The following ANKRD31 variants were observed in gnomAD, a reference collection of about 807,000 sequenced individuals.
ANKRD31 encodes ankyrin repeat domain 31, also known as ankyrin repeat domain-containing protein 31.
In ANKRD31, 147 loss-of-function variants were observed where a neutral mutation model predicts 186.0. That is an observed-to-expected ratio of 0.79 (90% CI 0.69 to 0.91). The LOEUF is 0.91. Ranked by LOEUF, ANKRD31 falls within the 40% of genes least tolerant of loss-of-function variation. The pLI is 0.00. For synonymous variants in ANKRD31, 673 were observed against 736.4 expected (o/e 0.91, Z 1.39); for missense variants, 1,986 against 2,148.8 (o/e 0.92, Z 1.50).
chr5:75,180,115 A>G, intron 10 of ANKRD31, among the ~76,000 whole-genome samples: 1 of 152,212 alleles, frequency 6.6e-6, no homozygotes, highest in East Asian at 1.9e-4. Context: ...CCAAATCATG[A>G]GTGAACTCCC....
At chr5:75,114,496 A>G (rs1748039976) in intron 19 of ANKRD31, among the ~76,000 whole-genome samples, 1 of 152,186 alleles carries the variant, frequency 6.6e-6, no homozygotes, top group Admixed American at 6.6e-5. Context: ...TTGATTTTGT[A>G]TCCTGAGACT....
chr5:75,172,497 T>C (rs1753413430), intron 10 of ANKRD31, among the ~76,000 whole-genome samples: 1 of 151,682 alleles, frequency 6.6e-6, no homozygotes, highest in Admixed American at 6.6e-5. Flanking sequence ...CTAGCAAGAC[T>C]GATAAAGAAG....
intron 21 of ANKRD31, among the ~76,000 whole-genome samples, chr5:75,107,272 C>A (rs1347160233): frequency 6.6e-6 from 1 of 151,966 alleles, no homozygotes; most frequent in South Asian, 2.1e-4. Context: ...TCATAAAATT[C>A]TCCACTGTAG....
chr5:75,131,828 A>G (rs1466712926), intron 17 of ANKRD31, among the ~76,000 whole-genome samples: 2 of 152,192 alleles, frequency 1.3e-5, no homozygotes, highest in Non-Finnish European at 2.9e-5. Context: ...AGGAAGGATC[A>G]GGCAGCAACA....
At chr5:75,120,924 C>T (rs1233517273) in intron 17 of ANKRD31, among the ~76,000 whole-genome samples, 1 of 152,146 alleles carries the variant, frequency 6.6e-6, no homozygotes, top group Non-Finnish European at 1.5e-5. Context: ...GTGGCTCACG[C>T]CTGTAATCCC....
intron 5 of ANKRD31, among the ~76,000 whole-genome samples, chr5:75,206,057 C>T (rs1258205874): frequency 1.3e-5 from 2 of 150,800 alleles, no homozygotes; most frequent in African/African-American, 4.9e-5. Context: ...TGCCCCAAGT[C>T]AATAGCAACA....
intron 14 of ANKRD31, 81 bp downstream of exon 14, chr5:75,145,906 G>A (rs1751397347): frequency 8.1e-7 from 1 of 1,236,316 alleles, no homozygotes; most frequent in African/African-American, 1.5e-5. Context: ...GCCATCGTTT[G>A]AATACAATTC....
chr5:75,072,513 G>A (rs1434540447), intron 25 of ANKRD31, among the ~76,000 whole-genome samples: 1 of 152,200 alleles, frequency 6.6e-6, no homozygotes, highest in Non-Finnish European at 1.5e-5. Flanking sequence ...TGTTGCTGCT[G>A]TGCCTCATCT....
chr5:75,208,981 C>T (rs1284848215), intron 4 of ANKRD31, among the ~76,000 whole-genome samples: 6 of 152,140 alleles, frequency 3.9e-5, no homozygotes, highest in Admixed American at 3.9e-4. Context: ...TTTGTCTGTT[C>T]ATTTTCAGCA....
At chr5:75,172,807 T>A (rs1753449072) in intron 10 of ANKRD31, among the ~76,000 whole-genome samples, 1 of 151,948 alleles carries the variant, frequency 6.6e-6, no homozygotes, top group Admixed American at 6.5e-5. Context: ...CTAACAGAGG[T>A]ACAAAGAGGA....
intron 12 of ANKRD31, among the ~76,000 whole-genome samples, chr5:75,153,661 T>G (rs1332595797): frequency 6.6e-6 from 1 of 152,086 alleles, no homozygotes; most frequent in African/African-American, 2.4e-5. Context: ...CCTGAGCAGA[T>G]GAATGTAGAG....
intron 3 of ANKRD31, among the ~76,000 whole-genome samples, chr5:75,219,845 G>A (rs1757177176): frequency 6.6e-6 from 1 of 152,112 alleles, no homozygotes; most frequent in African/African-American, 2.4e-5. Flanking sequence ...ACACATCTAT[G>A]ACCATCTGAT....
intron 11 of ANKRD31, among the ~76,000 whole-genome samples, chr5:75,157,820 A>G (rs2150165760): frequency 6.6e-6 from 1 of 152,314 alleles, no homozygotes; most frequent in African/African-American, 2.4e-5. Flanking sequence ...CTTAGACTGA[A>G]AGAGAGAGAA....
chr5:75,217,945 G>A (rs559377939), intron 3 of ANKRD31, among the ~76,000 whole-genome samples: 14 of 152,230 alleles, frequency 9.2e-5, no homozygotes, highest in Non-Finnish European at 1.6e-4. Flanking sequence ...TTGTAAGGAA[G>A]TTCTGGTGGT....
At chr5:75,130,056 C>A (rs1749638526) in intron 17 of ANKRD31, among the ~76,000 whole-genome samples, 1 of 152,106 alleles carries the variant, frequency 6.6e-6, no homozygotes, top group Non-Finnish European at 1.5e-5. Flanking sequence ...ATGGCGTGTC[C>A]AGAGTTTGTT....
chr5:75,173,223 T>C (rs1753492610), intron 10 of ANKRD31, among the ~76,000 whole-genome samples: 1 of 152,164 alleles, frequency 6.6e-6, no homozygotes, highest in South Asian at 2.1e-4. Flanking sequence ...AACTAGGTAT[T>C]GATGGGACGT....
chr5:75,196,712 G>A (rs538403833), intron 6 of ANKRD31, among the ~76,000 whole-genome samples: 2 of 152,224 alleles, frequency 1.3e-5, no homozygotes, highest in African/African-American at 2.4e-5. Context: ...GGGAAAAGGT[G>A]GAGAAATGAG....
intron 3 of ANKRD31, among the ~76,000 whole-genome samples, chr5:75,213,011 CAAAT>C (rs781093768): frequency 2.0e-5 from 3 of 151,874 alleles, no homozygotes; most frequent in African/African-American, 4.8e-5. Flanking sequence ...TCAAAAAACA[CAAAT>C]AAAGCAATGT....
chr5:75,156,757 C>T (rs540148130), intron 11 of ANKRD31, among the ~76,000 whole-genome samples: 1 of 152,270 alleles, frequency 6.6e-6, no homozygotes, highest in South Asian at 2.1e-4. Context: ...TCAAGGAAGG[C>T]TGGCAGCCAC....
Sources: gnomAD v4.1 joint callset for allele counts (sites outside exome capture counted in the v4.1 genomes callset) on GRCh38, gnomAD v4.1.1 for gene constraint, MANE v1.5 for transcripts, NCBI Gene and HGNC (gene_info 2026-07-23, HGNC 2026-07-21) for gene names.